CHRNB3: variants seen among roughly 807,000 people sequenced by gnomAD.
CHRNB3 encodes the protein neuronal acetylcholine receptor subunit beta-3.
CHRNB3 carries 37 observed loss-of-function variants against 40.6 expected under a neutral mutation model. The ratio of observed to expected loss-of-function variants is 0.91; its 90% CI spans 0.70 to 1.20. The LOEUF is 1.20. Among genes scored for constraint, CHRNB3 ranks in the 50% most tolerant of loss-of-function variants. CHRNB3 has a pLI of 0.00. For missense variants in CHRNB3, 505 were observed against 551.2 expected (o/e 0.92, Z 0.84); for synonymous variants, 207 against 207.1 (o/e 1.00, Z 0.00).
At chr8:42,711,042 G>C (rs951790025) in intron 3 of CHRNB3, among the ~76,000 whole-genome samples, 3 of 152,314 alleles carry the variant, frequency 2.0e-5, no homozygotes, top group African/African-American at 7.2e-5. Flanking sequence ...AGCTTGGCTA[G>C]AGCTTATTTC....
chr8:42,718,585 A>G (rs1816161604), intron 3 of CHRNB3, among the ~76,000 whole-genome samples: 2 of 149,102 alleles, frequency 1.3e-5, no homozygotes, highest in Non-Finnish European at 3.0e-5. Flanking sequence ...AGGCAGGAGA[A>G]TGGCGTGAAC....
At chr8:42,722,914 T>C (rs1022502713) in intron 3 of CHRNB3, among the ~76,000 whole-genome samples, 1 of 152,118 alleles carries the variant, frequency 6.6e-6, no homozygotes, top group Non-Finnish European at 1.5e-5. Context: ...TACTGTTACT[T>C]ATATATTTTA....
intron 5 of CHRNB3, among the ~76,000 whole-genome samples, chr8:42,732,842 C>A (rs1360796956): frequency 4.6e-5 from 7 of 152,164 alleles, no homozygotes; most frequent in Non-Finnish European, 8.8e-5. Flanking sequence ...TTCAATTACA[C>A]ATTTTAAGTT....
chr8:42,731,556 AAAAAG>A (rs1171762694), intron 4 of CHRNB3, 106 bp from the exon 5 acceptor site: 53 of 1,249,874 alleles, frequency 4.2e-5, no homozygotes, highest in African/African-American at 1.8e-4. Flanking sequence ...CTCCATCTCA[AAAAAG>A]AAAAGAAAAG....
chr8:42,736,713 C>G lies in CHRNB3; in HGVS notation c.*95C>G, dbSNP rs1240720698. The G allele has an allele frequency of 7.1e-7, 1 of 1,407,010 alleles. No homozygotes were observed. The highest frequency in any genetic ancestry group is 9.9e-7 in the Non-Finnish European group (1 of 1,007,904). The allele number at this position is 1,407,010 out of a possible 1,614,324, so 87.2% of individuals were successfully genotyped here. A position where few individuals can be genotyped will look rare whatever the true frequency, so the allele number is the denominator to read the frequency against. ...AATGCATGTGCTTGTTCTACGAACCCCGAATGCGTTGTCTTTGTGGAAATG... is the reference window on the plus strand; with the variant it reads ...AATGCATGTGCTTGTTCTACGAACCGCGAATGCGTTGTCTTTGTGGAAATG... On this transcript the variant is annotated 3_prime_UTR_variant, in exon 6 of 6. Transcript: ENST00000289957.
rs537593233 is a variant in CHRNB3 at position 42,734,117 on chromosome 8, G to A, written c.1242+1568G>A. Among the ~76,000 whole-genome samples, 8 of 150,350 alleles carry A rather than the reference G, an allele frequency of 5.3e-5. No individual in the cohort carries two copies. The South Asian group carries it at 8.4e-4, about 16-fold the overall frequency. On this transcript the variant is annotated intron_variant, in intron 5 of 5. Transcript: ENST00000289957. The stretch of plus-strand genomic sequence containing the variant: ...CTAAAAATACAAAAATTAGCCAGGC[G>A]TGGTGGTGGGAGCCTGTAGTCCCAG...
chr8:42,731,841 C>A lies in CHRNB3; in HGVS notation c.534C>A (p.Gly178=). ...SMKFGSWTYD[G]TMVDLILINE... is the part of the protein sequence containing the mutation. ...AGTTTGGATCCTGGACTTATGATGG[C>A]ACCATGGTTGACCTCATTTTGATCA... Residue 178 remains glycine (G), a synonymous_variant, in exon 5 of 6, where the codon GGC becomes GGA. Coordinates refer to ENST00000289957, the MANE Select transcript of CHRNB3 (RefSeq NM_000749.5). The A allele has an allele frequency of 6.2e-7, 1 of 1,614,102 alleles. No individual in the cohort carries two copies. The highest frequency in any genetic ancestry group is 8.5e-7 in the Non-Finnish European group (1 of 1,180,028).
chr8:42,731,903 G>C lies in CHRNB3; in HGVS notation c.596G>C (p.Gly199Ala). 6.2e-7 allele frequency: 1 copy of C among 1,614,152 alleles called. No homozygotes were observed. The highest frequency in any genetic ancestry group is 8.5e-7 in the Non-Finnish European group (1 of 1,180,030). Residue 199 changes from glycine (G) to alanine (A), a missense_variant, in exon 5 of 6, where the codon GGA becomes GCA. By Grantham distance (60) the Gly-to-Ala change is moderately conservative. Transcript: ENST00000289957. Reference sequence around the variant, plus strand: ...GACAGAAAAGACTTCTTCGATAACGGAGAATGGGAAATACTGAACGCAAAG... The same window carrying C: ...GACAGAAAAGACTTCTTCGATAACGCAGAATGGGAAATACTGAACGCAAAG... ...NVDRKDFFDN[G>A]EWEILNAKGM...
At chr8:42,713,312 C>T (rs1287877169) in intron 3 of CHRNB3, among the ~76,000 whole-genome samples, 1 of 152,036 alleles carries the variant, frequency 6.6e-6, no homozygotes, top group African/African-American at 2.4e-5. Context: ...CTGAGGGCCT[C>T]AGCTACAGCT....
At chr8:42,709,673 C>T (rs1047207968) in intron 2 of CHRNB3, among the ~76,000 whole-genome samples, 6 of 152,196 alleles carry the variant, frequency 3.9e-5, no homozygotes, top group African/African-American at 1.4e-4. Context: ...CTGTTTCACA[C>T]AGGCTGGAAT....
intron 2 of CHRNB3, among the ~76,000 whole-genome samples, chr8:42,709,084 C>T (rs1315549526): frequency 1.3e-5 from 2 of 152,090 alleles, no homozygotes; most frequent in African/African-American, 4.8e-5. Flanking sequence ...TAGTGTGGGA[C>T]GATTCGCTGC....
Position 42,710,417 on chromosome 8 carries a change from A to C in CHRNB3, c.232A>C (p.Asn78His), listed in dbSNP as rs1286537377. 2 of 1,610,548 alleles carry C rather than the reference A, an allele frequency of 1.2e-6. No individual in the cohort carries two copies. Among genetic ancestry groups the C allele is most frequent in the African/African-American group, 2.7e-5 (2 of 74,756 alleles). ...VDEKNQLMTT[N>H]VWLKQEWTDH... ...TGAAAAGAATCAGCTGATGACAACC[A>C]ATGTGTGGCTCAAACAGGTAAATTT... Residue 78 changes from asparagine (N) to histidine (H), a missense_variant, in exon 3 of 6, where the codon AAT becomes CAT. Transcript: ENST00000289957.
At chr8:42,710,078 G>A (rs1181404041) in intron 2 of CHRNB3, among the ~76,000 whole-genome samples, 1 of 152,160 alleles carries the variant, frequency 6.6e-6, no homozygotes, top group Non-Finnish European at 1.5e-5. Context: ...CTGTTTACAT[G>A]CCATTTGACT....
chr8:42,735,907 A>G (rs2128909290), intron 5 of CHRNB3, among the ~76,000 whole-genome samples: 1 of 152,324 alleles, frequency 6.6e-6, no homozygotes, highest in South Asian at 2.1e-4. Context: ...TACGTGTATC[A>G]GGAAGCACCC....
chr8:42,721,510 C>G (rs7008076), intron 3 of CHRNB3, among the ~76,000 whole-genome samples: 8,704 of 152,052 alleles, frequency 0.057, 330 homozygotes, highest in Middle Eastern at 0.1. Flanking sequence ...GATCACTTGA[C>G]CTCAGGAGCT....
intron 3 of CHRNB3, among the ~76,000 whole-genome samples, chr8:42,721,616 T>C (rs1816218933): frequency 6.6e-6 from 1 of 151,874 alleles, no homozygotes; most frequent in African/African-American, 2.4e-5. Context: ...CCCAGATACT[T>C]GGGAGGCTGA....
At chr8:42,720,608 G>T (rs1816205435) in intron 3 of CHRNB3, among the ~76,000 whole-genome samples, 1 of 152,108 alleles carries the variant, frequency 6.6e-6, no homozygotes, top group African/African-American at 2.4e-5. Context: ...AGGCAGCTGT[G>T]CTCAGTGCTA....
Position 42,731,820 on chromosome 8 carries a change from T to C in CHRNB3, c.513T>C (p.Phe171=), listed in dbSNP as rs368114820. The change falls in exon 5 of 6, where the codon TTT becomes TTC. Residue 171 remains phenylalanine, a synonymous_variant. Coordinates refer to ENST00000289957, the MANE Select transcript of CHRNB3 (RefSeq NM_000749.5). The stretch of plus-strand genomic sequence containing the variant: ...ACCGACAGAACTGCTCCATGAAGTT[T>C]GGATCCTGGACTTATGATGGCACCA... ...PFDRQNCSMK[F]GSWTYDGTMV... 10 of 1,614,000 alleles carry C rather than the reference T, an allele frequency of 6.2e-6. No homozygotes were observed. The highest frequency in any genetic ancestry group is 7.6e-6 in the Non-Finnish European group (9 of 1,180,040).
In CHRNB3 at chr8:42,736,685, C is replaced by T; in HGVS notation, c.*67C>T. On this transcript the variant is annotated 3_prime_UTR_variant, in exon 6 of 6. Transcript: ENST00000289957. ...CATCTGGCTATCACACAGACAGAAT[C>T]CAAATGCATGTGCTTGTTCTACGAA... 2 of 1,574,548 alleles carry T rather than the reference C, an allele frequency of 1.3e-6. No homozygotes were observed. Among genetic ancestry groups the T allele is most frequent in the African/African-American group, 2.7e-5 (2 of 73,956 alleles).
Sources: allele counts gnomAD v4.1 joint callset (sites outside exome capture counted in the v4.1 genomes callset), GRCh38; gene constraint gnomAD v4.1.1; transcripts MANE v1.5; gene names NCBI Gene and HGNC (gene_info 2026-07-23, HGNC 2026-07-21).